The following PBX1 variants were observed in gnomAD, a reference collection of about 807,000 sequenced individuals.
The protein encoded by PBX1 is PBX homeobox 1, also known as pre-B-cell leukemia transcription factor 1.
Under a neutral mutation model 53.4 loss-of-function variants are expected in PBX1, and 6 were observed. The ratio of observed to expected loss-of-function variants is 0.11; its 90% CI spans 0.06 to 0.22. The LOEUF is 0.22. Among genes scored for constraint, PBX1 ranks in the 10% least tolerant of loss-of-function variants. The pLI, the probability that PBX1 is intolerant of heterozygous loss-of-function variation, is 1.00. For synonymous variants in PBX1, 204 were observed against 212.3 expected (o/e 0.96, Z 0.34); for missense variants, 251 against 551.4 (o/e 0.46, Z 5.46).
At chr1:164,752,533 C>CCAA (rs2102199052) in intron 2 of PBX1, among the ~76,000 whole-genome samples, 1 of 152,202 alleles carries the variant, frequency 6.6e-6, no homozygotes, top group African/African-American at 2.4e-5. Context: ...TAAAACCTCA[C>CCAA]CAACTCCTGA....
intron 2 of PBX1, among the ~76,000 whole-genome samples, chr1:164,747,549 A>C (rs1485025563): frequency 3.3e-5 from 5 of 152,120 alleles, no homozygotes; most frequent in African/African-American, 4.8e-5. Context: ...TCCTTAAGGA[A>C]GTAACTGTGT....
chr1:164,635,628 G>T (rs538081627), intron 2 of PBX1, among the ~76,000 whole-genome samples: 1 of 152,126 alleles, frequency 6.6e-6, no homozygotes, highest in African/African-American at 2.4e-5. Context: ...ATCCAGCCTC[G>T]CCATATATCA....
chr1:164,743,864 T>A (rs542184274), intron 2 of PBX1, among the ~76,000 whole-genome samples: 1 of 152,118 alleles, frequency 6.6e-6, no homozygotes, highest in Non-Finnish European at 1.5e-5. Flanking sequence ...CACTTACATA[T>A]ATGTACAGTT....
chr1:164,871,291 A>G (rs1672376976), intron 2 of PBX1, among the ~76,000 whole-genome samples: 1 of 152,174 alleles, frequency 6.6e-6, no homozygotes, highest in Non-Finnish European at 1.5e-5. Context: ...GGGCAGAGGG[A>G]CTGAGGAGAC....
At chr1:164,813,171 G>A (rs1451915366) in intron 6 of PBX1, 2 of 152,206 alleles carry the variant, frequency 1.3e-5, no homozygotes, top group Non-Finnish European at 2.9e-5. Context: ...CTGGAGAAAT[G>A]TAGGGTTCCA....
chr1:164,677,572 T>G (rs879887999), intron 2 of PBX1, among the ~76,000 whole-genome samples: 1 of 152,182 alleles, frequency 6.6e-6, no homozygotes, highest in Non-Finnish European at 1.5e-5. Context: ...TTGATAATTA[T>G]GTGGCATGGG....
At position 164,800,649 on chromosome 1, in the gene PBX1, C is replaced by T. The variant is rs185099512; in HGVS notation, c.701+760C>T. ...GATTCCTTTTGCTTCTGTTATCCAGCCTGTAAGATAGTAATAGTCGTCATA... is the reference window on the plus strand; with the variant it reads ...GATTCCTTTTGCTTCTGTTATCCAGTCTGTAAGATAGTAATAGTCGTCATA... On this transcript the variant is annotated intron_variant, in intron 4 of 8. Coordinates refer to ENST00000420696, the MANE Select transcript of PBX1 (RefSeq NM_002585.4). Among the ~76,000 whole-genome samples the T allele has an allele frequency of 5.9e-5, 9 of 152,284 alleles. No homozygotes were observed. The East Asian group carries it at 1.7e-3, about 29-fold the overall frequency.
intron 2 of PBX1, among the ~76,000 whole-genome samples, chr1:164,607,814 G>C (rs905626695): frequency 1.3e-5 from 2 of 152,094 alleles, no homozygotes; most frequent in Non-Finnish European, 2.9e-5. Flanking sequence ...GGAGGGAGTA[G>C]CATCTTAAAA....
intron 2 of PBX1, among the ~76,000 whole-genome samples, chr1:164,600,573 T>A (rs561065781): frequency 3.3e-5 from 5 of 152,320 alleles, no homozygotes; most frequent in African/African-American, 7.2e-5. Context: ...AACTAAAGTC[T>A]GCCTGCATTC....
chr1:164,583,535 A>T (rs1176413134), intron 2 of PBX1, among the ~76,000 whole-genome samples: 1 of 152,038 alleles, frequency 6.6e-6, no homozygotes, highest in African/African-American at 2.4e-5. Context: ...GGGCAGCTGG[A>T]GTTGTGGCCA....
At chr1:164,623,583 C>A (rs1193898725) in intron 2 of PBX1, among the ~76,000 whole-genome samples, 1 of 152,218 alleles carries the variant, frequency 6.6e-6, no homozygotes, top group African/African-American at 2.4e-5. Flanking sequence ...TGATGCACTC[C>A]TTTGACTGTG....
intron 2 of PBX1, among the ~76,000 whole-genome samples, chr1:164,702,813 C>G (rs555570682): frequency 6.6e-6 from 1 of 152,060 alleles, no homozygotes; most frequent in Admixed American, 6.6e-5. Context: ...TTCTTCTTCT[C>G]GTTGACATTG....
At chr1:164,596,141 G>A (rs1199231259) in intron 2 of PBX1, among the ~76,000 whole-genome samples, 1 of 149,554 alleles carries the variant, frequency 6.7e-6, no homozygotes. Flanking sequence ...GAACTTTAAT[G>A]CATTAATACA....
intron 2 of PBX1, among the ~76,000 whole-genome samples, chr1:164,579,604 A>G (rs933966950): frequency 6.6e-6 from 1 of 152,220 alleles, no homozygotes; most frequent in Admixed American, 6.5e-5. Flanking sequence ...ACACACAGAC[A>G]GCACAGTCTG....
chr1:164,643,508 A>G (rs1659270991), intron 2 of PBX1, among the ~76,000 whole-genome samples: 1 of 152,162 alleles, frequency 6.6e-6, no homozygotes, highest in Non-Finnish European at 1.5e-5. Context: ...ATAGGGCAAC[A>G]TTTTTAAGTT....
chr1:164,623,167 T>C (rs1657802794), intron 2 of PBX1, among the ~76,000 whole-genome samples: 1 of 152,180 alleles, frequency 6.6e-6, no homozygotes, highest in Admixed American at 6.5e-5. Flanking sequence ...AGATGTAGCA[T>C]GTCTATAATC....
In PBX1 at chr1:164,847,174, T is replaced by G; in HGVS notation, c.*498T>G. The G allele has an allele frequency of 9.2e-7, 1 of 1,085,032 alleles. No homozygotes were observed. The highest frequency in any genetic ancestry group is 1.1e-6 in the Non-Finnish European group (1 of 889,038). 67.2% of individuals were successfully genotyped at this position (1,085,032 alleles called of 1,614,324 possible). A position where few individuals can be genotyped will look rare whatever the true frequency, so the allele number is the denominator to read the frequency against. The stretch of plus-strand genomic sequence containing the variant: ...TTTCTCTTATTACTCTCACTACCTC[T>G]TAGCAGGAATACTCCACATTGCCCT... On this transcript the variant is annotated 3_prime_UTR_variant, in exon 9 of 9. Transcript: ENST00000420696.
chr1:164,803,716 C>T (rs1290930124), intron 4 of PBX1, among the ~76,000 whole-genome samples: 4 of 152,218 alleles, frequency 2.6e-5, no homozygotes, highest in African/African-American at 2.4e-5. Flanking sequence ...CACTGAAAAC[C>T]CTTAACTGTA....
chr1:164,710,173 T>C (rs1373177849), intron 2 of PBX1, among the ~76,000 whole-genome samples: 1 of 152,188 alleles, frequency 6.6e-6, no homozygotes, highest in Non-Finnish European at 1.5e-5. Flanking sequence ...CAAAGCAACA[T>C]CATCCTTTCT....
Sources: gnomAD v4.1 joint callset for allele counts (sites outside exome capture counted in the v4.1 genomes callset) on GRCh38, gnomAD v4.1.1 for gene constraint, MANE v1.5 for transcripts, NCBI Gene and HGNC (gene_info 2026-07-23, HGNC 2026-07-21) for gene names.